PRELID2: variants seen among roughly 807,000 people sequenced by gnomAD.
The protein encoded by PRELID2 is PRELI domain containing 2, also known as PRELI domain-containing protein 2.
Under a neutral mutation model 28.4 loss-of-function variants are expected in PRELID2, and 25 were observed. The observed-to-expected ratio is 0.88, with a 90% CI of 0.64 to 1.23. The LOEUF is 1.23. Ranked by LOEUF, PRELID2 falls within the 50% of genes most tolerant of loss-of-function variation. PRELID2 has a pLI of 0.00. For missense variants in PRELID2, 201 were observed against 214.4 expected, an observed-to-expected ratio of 0.94 and a Z score of 0.39; for synonymous variants, 76 against 71.6, an observed-to-expected ratio of 1.06 and a Z score of -0.31.
chr5:145,405,581 G>C, the PRELID2 span, among the ~76,000 whole-genome samples: 1 of 151,950 alleles, frequency 6.6e-6, no homozygotes, highest in East Asian at 1.9e-4. Flanking sequence ...GACAACATCT[G>C]CTTAGCTTCT....
the PRELID2 span, among the ~76,000 whole-genome samples, chr5:145,380,381 C>A: frequency 1.3e-5 from 2 of 152,136 alleles, no homozygotes; most frequent in African/African-American, 2.4e-5. Context: ...GTTAGGAGCA[C>A]GCCAGTTCTT....
chr5:145,741,774 AAAATTTATTTATAAAGTATTTATATAT>A (rs1281181984), intron 1 of PRELID2, among the ~76,000 whole-genome samples: 5 of 103,106 alleles, frequency 4.8e-5, no homozygotes, highest in African/African-American at 2.0e-4. Flanking sequence ...ATATATAAAT[AAAATTTATTTATAAAGTATTTATATAT>A]AAATTTATTT....
the PRELID2 span, among the ~76,000 whole-genome samples, chr5:145,326,619 C>G: frequency 2.0e-5 from 3 of 151,810 alleles, no homozygotes. Context: ...TAGAAGAAGG[C>G]CTACATATAT....
chr5:145,252,008 A>C, the PRELID2 span, among the ~76,000 whole-genome samples: 1 of 152,074 alleles, frequency 6.6e-6, no homozygotes, highest in Non-Finnish European at 1.5e-5. Flanking sequence ...CAGCTAACCA[A>C]TTAACTATGC....
chr5:145,383,093 C>T, the PRELID2 span, among the ~76,000 whole-genome samples: 2 of 151,274 alleles, frequency 1.3e-5, no homozygotes, highest in Non-Finnish European at 3.0e-5. Context: ...CAATCAACTT[C>T]CCAATAAATT....
In PRELID2 at chr5:145,608,609, CT is replaced by C. The variant is rs138260851; in HGVS notation, n.71-135295del. Among the ~76,000 whole-genome samples, 161 of 152,304 alleles carry C rather than the reference CT, an allele frequency of 1.1e-3. 2 individuals are homozygous for C. The highest frequency in any genetic ancestry group is 3.8e-3 in the African/African-American group (160 of 41,580). Reference sequence around the variant, plus strand: ...TTTAGGGTTTCAGCTGAAATGTCTGCTGTTAGCCTGATGAGATTCCCTTTGT... The same window carrying C: ...TTTAGGGTTTCAGCTGAAATGTCTGCGTTAGCCTGATGAGATTCCCTTTGT... On this transcript the variant is annotated intron_variant and non_coding_transcript_variant, in intron 1 of 2. Coordinates refer to the PRELID2 transcript ENST00000510259.
chr5:145,277,341 T>C, the PRELID2 span, among the ~76,000 whole-genome samples: 1 of 152,196 alleles, frequency 6.6e-6, no homozygotes, highest in Admixed American at 6.6e-5. Context: ...AATAAAGAAA[T>C]ATGTTTTGTG....
Position 145,487,968 on chromosome 5 carries a change from C to G in PRELID2, n.71-14653G>C, listed in dbSNP as rs796841386. Among the ~76,000 whole-genome samples the G allele has an allele frequency of 5.6e-4, 84 of 151,206 alleles. 2 individuals are homozygous for G. Among genetic ancestry groups the G allele is most frequent in the African/African-American group, 2.0e-3 (81 of 41,298 alleles). ...TGAAAACTCATCTCTACTAAAAATA[C>G]AAAAAATTAGCCGGGCGTGATGGTG... On this transcript the variant is annotated intron_variant and non_coding_transcript_variant, in intron 1 of 2. Transcript: ENST00000510259.
chr5:145,551,440 A>ATAAG (rs59930604), intron 1 of PRELID2, among the ~76,000 whole-genome samples: 3,188 of 150,684 alleles, frequency 0.021, 121 homozygotes, highest in African/African-American at 0.072. Context: ...AAATAAATAA[A>ATAAG]CCTGCTTAAC....
At chr5:145,651,111 T>C (rs1054557907) in intron 1 of PRELID2, among the ~76,000 whole-genome samples, 1 of 152,180 alleles carries the variant, frequency 6.6e-6, no homozygotes, top group Non-Finnish European at 1.5e-5. Flanking sequence ...GGAGATGATA[T>C]CCCACGCCTG....
At chr5:145,739,402 G>A (rs1028322610) in intron 1 of PRELID2, among the ~76,000 whole-genome samples, 26 of 152,236 alleles carry the variant, frequency 1.7e-4, no homozygotes, top group African/African-American at 5.8e-4. Context: ...CTACTCGGGA[G>A]GGTAAGGCAG....
At chr5:145,585,738 AG>A (rs2149627665) in intron 1 of PRELID2, among the ~76,000 whole-genome samples, 1 of 152,246 alleles carries the variant, frequency 6.6e-6, no homozygotes. Flanking sequence ...AGTGAGCAAA[AG>A]TAATGACTAT....
intron 1 of PRELID2, among the ~76,000 whole-genome samples, chr5:145,716,279 G>A (rs1429586712): frequency 6.6e-6 from 1 of 152,140 alleles, no homozygotes; most frequent in Non-Finnish European, 1.5e-5. Flanking sequence ...CTCAACAAAT[G>A]TCTACTGAAA....
At chr5:145,769,231 A>AT (rs555098970) in intron 5 of PRELID2, among the ~76,000 whole-genome samples, 21 of 151,898 alleles carry the variant, frequency 1.4e-4, no homozygotes, top group Admixed American at 2.0e-4. Context: ...CCCCTCTGAG[A>AT]TTTTTTTTTC....
intron 1 of PRELID2, among the ~76,000 whole-genome samples, chr5:145,608,622 G>A (rs1400329030): frequency 6.6e-6 from 1 of 152,154 alleles, no homozygotes; most frequent in East Asian, 1.9e-4. Context: ...TTAGCCTGAT[G>A]AGATTCCCTT....
the PRELID2 span, among the ~76,000 whole-genome samples, chr5:145,242,874 G>A: frequency 6.6e-6 from 1 of 152,018 alleles, no homozygotes; most frequent in African/African-American, 2.4e-5. Flanking sequence ...ATAGCTTTTA[G>A]TGGTATGATT....
At chr5:145,408,896 C>T in the PRELID2 span, among the ~76,000 whole-genome samples, 1 of 152,062 alleles carries the variant, frequency 6.6e-6, no homozygotes, top group African/African-American at 2.4e-5. Flanking sequence ...AAACAAAGAT[C>T]CTCACCTAGG....
intron 1 of PRELID2, among the ~76,000 whole-genome samples, chr5:145,572,955 C>A (rs566295571): frequency 6.6e-6 from 1 of 152,242 alleles, no homozygotes; most frequent in Non-Finnish European, 1.5e-5. Context: ...CTCACCCCAC[C>A]ACCAGCCCTC....
In PRELID2 at chr5:145,570,177, C is replaced by T. The variant is rs568301125; in HGVS notation, n.71-96862G>A. 8.5e-5 allele frequency among the ~76,000 whole-genome samples: 13 copies of T among 152,170 alleles called. 1 individual carries two copies. Among genetic ancestry groups the T allele is most frequent in the African/African-American group, 2.9e-4 (12 of 41,500 alleles). ...ACCAGTCATATTGATTAGTACCCAC[C>T]CTAATGACCTCATCTTAACTAGATT... is the stretch of plus-strand genomic sequence containing the variant. On this transcript the variant is annotated intron_variant and non_coding_transcript_variant, in intron 1 of 2. Coordinates refer to the PRELID2 transcript ENST00000510259.
Sources: allele counts gnomAD v4.1 joint callset (sites outside exome capture counted in the v4.1 genomes callset), GRCh38; gene constraint gnomAD v4.1.1; transcripts MANE v1.5; gene names NCBI Gene and HGNC (gene_info 2026-07-23, HGNC 2026-07-21).